The following C3orf52 variants were observed in gnomAD, a reference collection of about 807,000 sequenced individuals.
C3orf52 encodes chromosome 3 open reading frame 52.
Under a neutral mutation model 24.8 loss-of-function variants are expected in C3orf52, and 22 were observed. The ratio of observed to expected loss-of-function variants is 0.89; its 90% CI spans 0.63 to 1.27. The LOEUF (loss-of-function observed/expected upper bound fraction) is 1.27, where lower values mean the gene tolerates loss of function less well. Among genes scored for constraint, C3orf52 ranks in the 50% most tolerant of loss-of-function variants. The pLI, the probability that C3orf52 is intolerant of heterozygous loss-of-function variation, is 0.00. For synonymous variants in C3orf52, 93 were observed against 100.2 expected (o/e 0.93, Z 0.43); for missense variants, 265 against 260.7 (o/e 1.02, Z -0.11).
At chr3:112,101,707 A>G (rs2073973262) in intron 2 of C3orf52, among the ~76,000 whole-genome samples, 1 of 152,214 alleles carries the variant, frequency 6.6e-6, no homozygotes, top group African/African-American at 2.4e-5. Context: ...GAATACCAGG[A>G]ATCTTCCTCC....
At chr3:112,127,004 T>G in intron 4 of C3orf52, 1 of 1,591,448 alleles carries the variant, frequency 6.3e-7, no homozygotes, top group Non-Finnish European at 8.6e-7. Context: ...TTGGGAATCT[T>G]GCCTCTTTTC....
At chr3:112,111,229 G>A (rs2074079459) in intron 4 of C3orf52, among the ~76,000 whole-genome samples, 1 of 152,154 alleles carries the variant, frequency 6.6e-6, no homozygotes. Context: ...CAGACCCAGT[G>A]TACATGGTAC....
chr3:112,132,844 A>G (rs1027545496), downstream of C3orf52: 8 of 464,526 alleles, frequency 1.7e-5, no homozygotes, highest in Non-Finnish European at 2.9e-5. Flanking sequence ...CTTCCTTGGT[A>G]AAGTCTTTCC....
At position 112,112,797 on chromosome 3, in the gene C3orf52, A is replaced by G. The variant is rs970297472; in HGVS notation, c.468-167A>G. On this transcript the variant is annotated intron_variant, in intron 4 of 5. Coordinates refer to ENST00000264848, the MANE Select transcript of C3orf52 (RefSeq NM_024616.3). ...TCAACTTTTTGTGATGAATCTATGG[A>G]AGAGGATTCTTATAGGACAGTATGT... The G allele has an allele frequency of 8.4e-6, 6 of 713,982 alleles. No individual in the cohort carries two copies. In the Admixed American group the frequency reaches 1.2e-4, roughly 15 times the overall value. 44.2% of individuals were successfully genotyped at this position (713,982 alleles called of 1,614,324 possible).
downstream of C3orf52, chr3:112,134,198 A>G (rs2074522600): frequency 6.6e-6 from 1 of 152,240 alleles, no homozygotes; most frequent in Non-Finnish European, 1.5e-5. Flanking sequence ...AGCCACTTCC[A>G]CCATTTAATA....
chr3:112,097,392 C>G (rs1329637613), intron 2 of C3orf52, among the ~76,000 whole-genome samples: 2 of 152,068 alleles, frequency 1.3e-5, no homozygotes, highest in African/African-American at 4.8e-5. Context: ...TGTGATATCC[C>G]CCAACATTAT....
At chr3:112,101,733 C>A (rs911077515) in intron 2 of C3orf52, among the ~76,000 whole-genome samples, 2 of 152,204 alleles carry the variant, frequency 1.3e-5, no homozygotes, top group Non-Finnish European at 2.9e-5. Flanking sequence ...ACCTGTCCTT[C>A]CATCTCAAAC....
chr3:112,109,195 G>T (rs1409905073), intron 3 of C3orf52, among the ~76,000 whole-genome samples: 1 of 152,142 alleles, frequency 6.6e-6, no homozygotes, highest in African/African-American at 2.4e-5. Context: ...CTGTGCTGCT[G>T]CTGTCCAGCA....
chr3:112,113,239 T>A, intron 5 of C3orf52, 94 bp downstream of exon 5: 1 of 929,136 alleles, frequency 1.1e-6, no homozygotes, highest in Non-Finnish European at 1.6e-6. Flanking sequence ...GCAACTGTGG[T>A]GACTTGGTAC....
intron 1 of C3orf52, among the ~76,000 whole-genome samples, chr3:112,087,329 C>A (rs569817924): frequency 1.3e-5 from 2 of 152,298 alleles, no homozygotes; most frequent in East Asian, 3.9e-4. Context: ...AAGCTCTTTT[C>A]TGATTCATCC....
intron 1 of C3orf52, among the ~76,000 whole-genome samples, chr3:112,090,153 C>G (rs1365062497): frequency 6.6e-6 from 1 of 152,124 alleles, no homozygotes; most frequent in East Asian, 1.9e-4. Context: ...AGGCTCTTCA[C>G]CCTCAGGGCA....
intron 4 of C3orf52, among the ~76,000 whole-genome samples, chr3:112,124,318 G>C (rs1253223042): frequency 6.6e-6 from 1 of 152,136 alleles, no homozygotes; most frequent in Non-Finnish European, 1.5e-5. Context: ...TAATAAAAAA[G>C]AATAATCTGG....
At chr3:112,089,350 AC>A (rs1362631894) in intron 1 of C3orf52, among the ~76,000 whole-genome samples, 1 of 151,156 alleles carries the variant, frequency 6.6e-6, no homozygotes, top group Non-Finnish European at 1.5e-5. Context: ...ACATGGAGAA[AC>A]CCCGTCTCTA....
chr3:112,094,307 G>A (rs900146236), intron 2 of C3orf52, among the ~76,000 whole-genome samples: 10 of 152,018 alleles, frequency 6.6e-5, no homozygotes, highest in Non-Finnish European at 1.3e-4. Flanking sequence ...ATTTTAACTT[G>A]TTTTAGAAAT....
At position 112,086,403 on chromosome 3, in the gene C3orf52, G is replaced by A. The variant is rs376310649; in HGVS notation, c.-5G>A. ...CGGAGCCGCTCAGACTTTCCCTGCC[G>A]GCACATGGACCTGGCCCAACCCTCA... is the stretch of plus-strand genomic sequence containing the variant. On this transcript the variant is annotated 5_prime_UTR_variant, in exon 1 of 6. Coordinates refer to ENST00000264848, the MANE Select transcript of C3orf52 (RefSeq NM_024616.3). The A allele has an allele frequency of 2.6e-6, 4 of 1,536,566 alleles. No homozygotes were observed. Among genetic ancestry groups the A allele is most frequent in the Non-Finnish European group, 3.5e-6 (4 of 1,137,354 alleles).
intron 4 of C3orf52, 21 bp from the exon 5 acceptor site, chr3:112,112,943 A>G (rs2074099238): frequency 6.3e-7 from 1 of 1,591,666 alleles, no homozygotes; most frequent in African/African-American, 1.3e-5. Flanking sequence ...TTATGTTTTA[A>G]TGTCTTCCAT....
At chr3:112,094,632 CATT>C (rs1325681212) in intron 2 of C3orf52, among the ~76,000 whole-genome samples, 1 of 152,182 alleles carries the variant, frequency 6.6e-6, no homozygotes, top group East Asian at 1.9e-4. Context: ...TATTTGTGAA[CATT>C]ATTATTTTTA....
At chr3:112,105,538 CCGTGTG>C (rs1318492879) in intron 3 of C3orf52, among the ~76,000 whole-genome samples, 14 of 48,322 alleles carry the variant, frequency 2.9e-4, no homozygotes, top group Non-Finnish European at 4.9e-4. Flanking sequence ...ACTTCTTTGG[CCGTGTG>C]TGTGTGTGTG....
At chr3:112,086,777 G>T (rs1195194213) in intron 1 of C3orf52, among the ~76,000 whole-genome samples, 1 of 152,178 alleles carries the variant, frequency 6.6e-6, no homozygotes, top group Admixed American at 6.5e-5. Flanking sequence ...CCCCCGAGGC[G>T]CTTTAGGAAT....
Sources: gnomAD v4.1 joint callset for allele counts (sites outside exome capture counted in the v4.1 genomes callset) on GRCh38, gnomAD v4.1.1 for gene constraint, MANE v1.5 for transcripts, NCBI Gene and HGNC (gene_info 2026-07-23, HGNC 2026-07-21) for gene names.